Variants in EYS observed in about 807,000 individuals in gnomAD.
EYS encodes EGF-like photoreceptor maintenance factor.
Under a neutral mutation model 282.1 loss-of-function variants are expected in EYS, and 250 were observed. The observed-to-expected ratio is 0.89, with a 90% CI of 0.80 to 0.98. The LOEUF is 0.98. Among genes scored for constraint, EYS ranks in the 50% least tolerant of loss-of-function variants. EYS has a pLI of 0.00. For synonymous variants in EYS, 1,355 were observed against 1,282.9 expected (o/e 1.06, Z -1.20); for missense variants, 4,016 against 3,709.0 (o/e 1.08, Z -2.15).
rs185280234 is a variant in EYS at position 64,171,755 on chromosome 6, G to A, written c.6424+58837C>T. On this transcript the variant is annotated intron_variant, in intron 31 of 42. Transcript: ENST00000503581. ...AAAGTTTTAGATGGGTTTTATTGGG[G>A]AGTTGGGTTTATTTCTCTGCCATTT... Among the ~76,000 whole-genome samples, 362 of 152,250 alleles carry A rather than the reference G, an allele frequency of 2.4e-3. 1 individual carries two copies. Among genetic ancestry groups the A allele is most frequent in the African/African-American group, 8.3e-3 (345 of 41,552 alleles).
intron 22 of EYS, among the ~76,000 whole-genome samples, chr6:64,677,445 A>G (rs73440830): frequency 0.021 from 3,154 of 152,250 alleles, 75 homozygotes; most frequent in East Asian, 0.11. Flanking sequence ...TCTAAGACCA[A>G]ATTAAATCAT....
chr6:64,731,110 C>T (rs1010261765), intron 22 of EYS: 1 of 152,056 alleles, frequency 6.6e-6, no homozygotes, highest in African/African-American at 2.4e-5. Flanking sequence ...CTTCCTTATA[C>T]CTTATACAAA....
chr6:65,248,065 A>G (rs1037271386), intron 12 of EYS, among the ~76,000 whole-genome samples: 4 of 152,074 alleles, frequency 2.6e-5, no homozygotes, highest in Admixed American at 6.6e-5. Context: ...AAGAAAAGCA[A>G]AAGATACTCA....
intron 24 of EYS, among the ~76,000 whole-genome samples, chr6:64,616,600 T>G (rs1367170603): frequency 6.6e-6 from 1 of 152,132 alleles, no homozygotes; most frequent in Non-Finnish European, 1.5e-5. Context: ...GACTCTTGGT[T>G]CTGGTTTTTC....
chr6:64,719,739 T>C (rs975712873), intron 22 of EYS, among the ~76,000 whole-genome samples: 1 of 152,128 alleles, frequency 6.6e-6, no homozygotes, highest in African/African-American at 2.4e-5. Flanking sequence ...ACCCCGTCTC[T>C]ACTAAAAATA....
In EYS at chr6:64,642,678, A is replaced by G. The variant is rs962737677; in HGVS notation, c.3444-16433T>C. Among the ~76,000 whole-genome samples the G allele has an allele frequency of 9.2e-5, 14 of 152,218 alleles. 1 individual carries two copies. The highest frequency in any genetic ancestry group is 2.9e-4 in the African/African-American group (12 of 41,462). ...TAGCCAGGGTTCCTGCCAGAGAGAT[A>G]ACACTTGTCCAGCTAATGCATTACT... On this transcript the variant is annotated intron_variant, in intron 22 of 42. Coordinates refer to ENST00000503581, the MANE Select transcript of EYS (RefSeq NM_001142800.2).
intron 12 of EYS, among the ~76,000 whole-genome samples, chr6:65,250,686 T>A (rs986598013): frequency 6.6e-6 from 1 of 151,904 alleles, no homozygotes; most frequent in African/African-American, 2.4e-5. Flanking sequence ...AATATTCTCA[T>A]AATGAAAAAC....
At chr6:65,611,369 T>C (rs944769297) in intron 2 of EYS, among the ~76,000 whole-genome samples, 3 of 152,008 alleles carry the variant, frequency 2.0e-5, no homozygotes, top group African/African-American at 7.2e-5. Flanking sequence ...AATAAATTAT[T>C]TGAAAAGTCA....
At chr6:64,821,869 G>A (rs1346461522) in intron 20 of EYS, 146 bp from the exon 21 acceptor site, 11 of 474,440 alleles carry the variant, frequency 2.3e-5, no homozygotes, top group Non-Finnish European at 4.2e-5. Flanking sequence ...TTATTCCTGG[G>A]TTTCTTATCC....
intron 29 of EYS, among the ~76,000 whole-genome samples, chr6:64,309,115 A>C (rs1286092866): frequency 6.6e-6 from 1 of 152,164 alleles, no homozygotes; most frequent in Non-Finnish European, 1.5e-5. Flanking sequence ...TGAATGTTCA[A>C]ACTTAAATCT....
At chr6:63,765,377 T>TAGGGAAGGCTA (rs56026289) in intron 40 of EYS, among the ~76,000 whole-genome samples, 151,304 of 151,868 alleles carry the variant, frequency 1, 75,374 homozygotes, top group Middle Eastern at 1. Context: ...GTGAATTACT[T>TAGGGAAGGCTA]AGGGAAGGCT....
intron 15 of EYS, among the ~76,000 whole-genome samples, chr6:64,939,661 A>T (rs1769022346): frequency 6.7e-6 from 1 of 149,974 alleles, no homozygotes; most frequent in Admixed American, 6.6e-5. Flanking sequence ...TAAGTGATGT[A>T]TTTCATACAC....
chr6:64,944,771 C>T (rs1769218420), intron 15 of EYS, among the ~76,000 whole-genome samples: 1 of 152,018 alleles, frequency 6.6e-6, no homozygotes, highest in African/African-American at 2.4e-5. Context: ...TACATTTGTT[C>T]AATTCTGAGA....
At chr6:64,807,759 GAT>G (rs1017507709) in intron 22 of EYS, among the ~76,000 whole-genome samples, 1 of 152,098 alleles carries the variant, frequency 6.6e-6, no homozygotes, top group African/African-American at 2.4e-5. Context: ...GTTATAGAAT[GAT>G]ATGTTACTAC....
At chr6:63,831,424 C>A (rs1771634466) in intron 36 of EYS, among the ~76,000 whole-genome samples, 1 of 152,122 alleles carries the variant, frequency 6.6e-6, no homozygotes, top group South Asian at 2.1e-4. Context: ...ATCCTAGTCT[C>A]TGATAAAACA....
intron 26 of EYS, among the ~76,000 whole-genome samples, chr6:64,496,061 C>A (rs895328968): frequency 1.3e-5 from 2 of 151,752 alleles, no homozygotes; most frequent in African/African-American, 2.4e-5. Context: ...TTATTTAACA[C>A]TCATTTTAAT....
chr6:65,599,924 T>G (rs1765557413), intron 2 of EYS, among the ~76,000 whole-genome samples: 1 of 152,100 alleles, frequency 6.6e-6, no homozygotes, highest in African/African-American at 2.4e-5. Context: ...TATGTGCTGT[T>G]GGCACAGAAT....
chr6:64,475,550 C>CA (rs56710433), intron 26 of EYS, among the ~76,000 whole-genome samples: 3,049 of 43,346 alleles, frequency 0.07, 407 homozygotes, highest in African/African-American at 0.15. Flanking sequence ...GACTCCGTCT[C>CA]AAAAAAAAAA....
intron 29 of EYS, among the ~76,000 whole-genome samples, chr6:64,338,767 T>C (rs931865751): frequency 2.6e-5 from 4 of 152,056 alleles, no homozygotes; most frequent in Non-Finnish European, 5.9e-5. Flanking sequence ...AACAGCATGG[T>C]ACTAGTATCA....
Sources: allele counts gnomAD v4.1 joint callset (sites outside exome capture counted in the v4.1 genomes callset), GRCh38; gene constraint gnomAD v4.1.1; transcripts MANE v1.5; gene names NCBI Gene and HGNC (gene_info 2026-07-23, HGNC 2026-07-21).